ACYP2: variants seen among roughly 807,000 people sequenced by gnomAD.
ACYP2 encodes the protein acylphosphatase-2.
A neutral mutation model predicts 11.2 loss-of-function variants in ACYP2; 12 were observed. The observed-to-expected ratio is 1.08, with a 90% CI of 0.69 to 1.74. ACYP2 has a LOEUF of 1.74. ACYP2 is among the 40% of genes most tolerant of loss of function. ACYP2 has a pLI of 0.00. For missense variants in ACYP2, 134 were observed against 101.9 expected, an observed-to-expected ratio of 1.31 and a Z score of -1.35; for synonymous variants, 43 against 32.2, an observed-to-expected ratio of 1.33 and a Z score of -1.13.
At chr2:54,072,395 A>G (rs1475042394) in intron 4 of ACYP2, among the ~76,000 whole-genome samples, 1 of 149,306 alleles carries the variant, frequency 6.7e-6, no homozygotes, top group African/African-American at 2.5e-5. Flanking sequence ...AGTCTTCACC[A>G]CTCCAGCTCT....
At chr2:54,268,204 G>C (rs1449799660) in intron 6 of ACYP2, among the ~76,000 whole-genome samples, 2 of 152,142 alleles carry the variant, frequency 1.3e-5, no homozygotes, top group African/African-American at 2.4e-5. Context: ...GTTTAAATAT[G>C]AACTATAGCA....
chr2:54,046,825 C>A (rs540753458), intron 2 of ACYP2, among the ~76,000 whole-genome samples: 1 of 152,154 alleles, frequency 6.6e-6, no homozygotes, highest in East Asian at 1.9e-4. Flanking sequence ...TGCAATGGAC[C>A]CTTCAAATTA....
chr2:53,977,688 T>C (rs1003755385), intron 2 of ACYP2, among the ~76,000 whole-genome samples: 3 of 150,666 alleles, frequency 2.0e-5, no homozygotes, highest in Admixed American at 6.6e-5. Flanking sequence ...TGAGCTGAGA[T>C]TGTGCCACTG....
rs567977524 is a variant in ACYP2 at position 54,234,890 on chromosome 2, T to A, written c.405-69798T>A. 1.2e-3 allele frequency among the ~76,000 whole-genome samples: 179 copies of A among 152,328 alleles called. 1 individual carries two copies. Among genetic ancestry groups the A allele is most frequent in the Admixed American group, 4.1e-3 (63 of 15,306 alleles). On this transcript the variant is annotated intron_variant, in intron 6 of 6. Transcript: ENST00000607452. ...ATAAATTTAATGTTCTTGTTTCAAT[T>A]TTAGCAGAATTCATGTTCCTCTGAT...
At chr2:54,055,741 A>T (rs1676107296) in intron 3 of ACYP2, among the ~76,000 whole-genome samples, 1 of 152,212 alleles carries the variant, frequency 6.6e-6, no homozygotes, top group Non-Finnish European at 1.5e-5. Context: ...AACAAATTAC[A>T]TGCACCCAGA....
intron 2 of ACYP2, among the ~76,000 whole-genome samples, chr2:54,022,282 AC>A: frequency 6.6e-6 from 1 of 151,982 alleles, no homozygotes; most frequent in East Asian, 1.9e-4. Context: ...AGGATTCGCT[AC>A]CCCAAAATAT....
At chr2:54,198,083 G>A (rs1019820088) in intron 6 of ACYP2, among the ~76,000 whole-genome samples, 7 of 151,746 alleles carry the variant, frequency 4.6e-5, no homozygotes, top group Non-Finnish European at 1.0e-4. Flanking sequence ...GCAGTGGCAC[G>A]ATCTTGGCTC....
rs1328609373 is a variant in ACYP2 at position 53,996,900 on chromosome 2, C to T, written c.62+23090C>T. 2.0e-5 allele frequency among the ~76,000 whole-genome samples: 3 copies of T among 152,254 alleles called. No homozygotes were observed. In the East Asian group the frequency reaches 5.8e-4, roughly 29 times the overall value. Reference sequence around the variant, plus strand: ...TTCTAAAAGATCATTTTTACCTTGTCAGTCTTTTGCTCAAAAATGTTGCGT... The same window carrying T: ...TTCTAAAAGATCATTTTTACCTTGTTAGTCTTTTGCTCAAAAATGTTGCGT... On this transcript the variant is annotated intron_variant, in intron 2 of 6. Transcript: ENST00000607452.
chr2:54,079,680 G>T (rs1459505116), intron 4 of ACYP2, among the ~76,000 whole-genome samples: 1 of 152,212 alleles, frequency 6.6e-6, no homozygotes, highest in African/African-American at 2.4e-5. Context: ...AACCAACGTT[G>T]AAACCTGACC....
At chr2:54,002,644 CATTTT>C (rs1165779970) in intron 2 of ACYP2, among the ~76,000 whole-genome samples, 2 of 143,302 alleles carry the variant, frequency 1.4e-5, no homozygotes, top group African/African-American at 5.2e-5. Flanking sequence ...CATGCCTGGC[CATTTT>C]ATTTTATTTT....
At chr2:53,980,412 A>T (rs921013408) in intron 2 of ACYP2, among the ~76,000 whole-genome samples, 2 of 151,802 alleles carry the variant, frequency 1.3e-5, no homozygotes, top group Admixed American at 1.3e-4. Context: ...AATTTAATTT[A>T]TTATTGAAGA....
intron 2 of ACYP2, among the ~76,000 whole-genome samples, chr2:53,982,828 C>G (rs1671835183): frequency 7.1e-6 from 1 of 140,518 alleles, no homozygotes; most frequent in African/African-American, 2.7e-5. Context: ...TCACACAAGA[C>G]TGTGTGTGTG....
intron 6 of ACYP2, among the ~76,000 whole-genome samples, chr2:54,295,180 A>C (rs1689476522): frequency 6.6e-6 from 1 of 152,184 alleles, no homozygotes; most frequent in Non-Finnish European, 1.5e-5. Flanking sequence ...GTAATGAATA[A>C]ACTCACAAGC....
chr2:54,151,576 G>GA (rs1267222481), intron 6 of ACYP2, among the ~76,000 whole-genome samples: 50 of 152,026 alleles, frequency 3.3e-4, no homozygotes, highest in Non-Finnish European at 2.1e-4. Flanking sequence ...TGTAATTTTG[G>GA]AAAAAGAATA....
intron 6 of ACYP2, among the ~76,000 whole-genome samples, chr2:54,147,804 CG>C (rs1224950755): frequency 3.3e-5 from 5 of 152,242 alleles, no homozygotes; most frequent in African/African-American, 1.2e-4. Context: ...GGATTACAGG[CG>C]TGAGTTACCA....
chr2:54,141,965 G>A (rs889986986), intron 6 of ACYP2: 9 of 550,844 alleles, frequency 1.6e-5, no homozygotes, highest in African/African-American at 3.7e-5. Flanking sequence ...AACCTCCTGA[G>A]TGCACATGCT....
At chr2:54,144,456 A>T (rs1239615519) in intron 6 of ACYP2, among the ~76,000 whole-genome samples, 2 of 152,050 alleles carry the variant, frequency 1.3e-5, no homozygotes. Context: ...TGGGCAGATT[A>T]TGAGGTCAGG....
At chr2:54,144,664 ACT>A (rs1174239404) in intron 6 of ACYP2, among the ~76,000 whole-genome samples, 1 of 141,792 alleles carries the variant, frequency 7.1e-6, no homozygotes, top group African/African-American at 2.6e-5. Context: ...CCAGAGCAAG[ACT>A]CTGTCTCAAA....
At chr2:53,973,443 A>T (rs1363475173) in intron 1 of ACYP2, among the ~76,000 whole-genome samples, 1 of 152,206 alleles carries the variant, frequency 6.6e-6, no homozygotes, top group Non-Finnish European at 1.5e-5. Flanking sequence ...AAGTGAAAAT[A>T]GCCTTAACTG....
Sources: gnomAD v4.1 joint callset for allele counts (sites outside exome capture counted in the v4.1 genomes callset) on GRCh38, gnomAD v4.1.1 for gene constraint, MANE v1.5 for transcripts, NCBI Gene and HGNC (gene_info 2026-07-23, HGNC 2026-07-21) for gene names.